CSMD3: variants seen among roughly 807,000 people sequenced by gnomAD.
The protein encoded by CSMD3 is CUB and sushi domain-containing protein 3.
CSMD3 carries 177 observed loss-of-function variants against 435.2 expected under a neutral mutation model. The observed-to-expected ratio is 0.41, with a 90% CI of 0.36 to 0.46. The LOEUF is 0.46. Among genes scored for constraint, CSMD3 ranks in the 20% least tolerant of loss-of-function variants. The pLI, the probability that CSMD3 is intolerant of heterozygous loss-of-function variation, is 0.34. For synonymous variants in CSMD3, 1,656 were observed against 1,520.5 expected (o/e 1.09, Z -2.07); for missense variants, 4,265 against 4,504.6 (o/e 0.95, Z 1.52).
intron 3 of CSMD3, among the ~76,000 whole-genome samples, chr8:113,201,286 C>T (rs143604867): frequency 1.4e-3 from 209 of 151,900 alleles, no homozygotes; most frequent in South Asian, 7.5e-3. Context: ...AGTGTGGTTC[C>T]CTGTATTTTA....
intron 5 of CSMD3, among the ~76,000 whole-genome samples, chr8:113,065,474 C>T (rs578027401): frequency 2.0e-5 from 3 of 152,210 alleles, no homozygotes; most frequent in East Asian, 1.9e-4. Context: ...GCCAGCTCCG[C>T]CTCCTGGGTT....
chr8:112,301,538 A>G (rs868826251), intron 53 of CSMD3, among the ~76,000 whole-genome samples: 8 of 152,128 alleles, frequency 5.3e-5, no homozygotes, highest in South Asian at 4.1e-4. Context: ...TTCAGCAATT[A>G]GTTTTCACCA....
chr8:112,546,537 G>A (rs1827197497), intron 27 of CSMD3, among the ~76,000 whole-genome samples: 2 of 152,164 alleles, frequency 1.3e-5, no homozygotes, highest in Admixed American at 6.5e-5. Context: ...TTACCCAGCA[G>A]GGGAAGATTC....
At chr8:112,685,355 C>A in intron 15 of CSMD3, 51 bp downstream of exon 15, 1 of 1,488,116 alleles carries the variant, frequency 6.7e-7, no homozygotes, top group South Asian at 1.2e-5. Flanking sequence ...CTTTTCAACT[C>A]AAATTTATAG....
chr8:112,410,789 T>C (rs1395419030), intron 32 of CSMD3, among the ~76,000 whole-genome samples: 2 of 147,908 alleles, frequency 1.4e-5, no homozygotes, highest in Admixed American at 6.9e-5. Flanking sequence ...TTCTCAAATA[T>C]GTCTTAAGAA....
In CSMD3 at chr8:112,346,120, G is replaced by A. The variant is rs751940711; in HGVS notation, c.6419C>T (p.Thr2140Ile). 5.0e-6 allele frequency: 8 copies of A among 1,602,902 alleles called. No homozygotes were observed. In the Middle Eastern group the frequency reaches 4.9e-4, roughly 99 times the overall value. The change falls in exon 41 of 71, where the codon ACA becomes ATA. Residue 2140 changes from threonine (T) to isoleucine (I), a missense_variant. Thr to Ile is a moderately conservative substitution (Grantham distance 89). Transcript: ENST00000297405. ...ACCAAAACCTATGGGTAGATTTATTGTCCATGTGCAATCTAAACTGCTGGG... is the reference window on the plus strand; with the variant it reads ...ACCAAAACCTATGGGTAGATTTATTATCCATGTGCAATCTAAACTGCTGGG... Reference protein sequence around the residue: ...NYPSSLDCTWTINLPIGFGVH... With the variant: ...NYPSSLDCTWIINLPIGFGVH...
chr8:113,032,234 A>G (rs1587930010), intron 5 of CSMD3, among the ~76,000 whole-genome samples: 1 of 151,560 alleles, frequency 6.6e-6, no homozygotes, highest in South Asian at 2.1e-4. Context: ...CAGAGGCTGG[A>G]AGAGTTTGGA....
In CSMD3 at chr8:113,097,345, C is replaced by T. The variant is rs543731802; in HGVS notation, c.917+1411G>A. 2.6e-5 allele frequency among the ~76,000 whole-genome samples: 4 copies of T among 152,092 alleles called. No homozygotes were observed. The South Asian group carries it at 8.3e-4, about 32-fold the overall frequency. The stretch of plus-strand genomic sequence containing the variant: ...CTACATAACAGCATTGTTCTAAGTG[C>T]TTCTGTGTCTAAAGCACCAAAGAGG... On this transcript the variant is annotated intron_variant, in intron 5 of 70. Coordinates refer to ENST00000297405, the MANE Select transcript of CSMD3 (RefSeq NM_198123.2).
chr8:113,177,314 T>C (rs1564395524), intron 3 of CSMD3, among the ~76,000 whole-genome samples: 1 of 151,744 alleles, frequency 6.6e-6, no homozygotes, highest in Admixed American at 6.6e-5. Flanking sequence ...ATAAGTATAA[T>C]GAAGAATTTT....
chr8:113,092,674 AG>A (rs2090043463), intron 5 of CSMD3, among the ~76,000 whole-genome samples: 1 of 152,096 alleles, frequency 6.6e-6, no homozygotes, highest in South Asian at 2.1e-4. Flanking sequence ...TACCGTTTGA[AG>A]TGTAACTTAA....
At chr8:113,209,881 GT>G (rs1318738951) in intron 3 of CSMD3, among the ~76,000 whole-genome samples, 4 of 151,744 alleles carry the variant, frequency 2.6e-5, no homozygotes, top group Admixed American at 1.3e-4. Context: ...TGTTATTTTT[GT>G]TTCTATACTT....
At chr8:113,228,491 C>A (rs1169255254) in intron 3 of CSMD3, among the ~76,000 whole-genome samples, 1 of 151,366 alleles carries the variant, frequency 6.6e-6, no homozygotes. Context: ...ATTGTACATT[C>A]CCTATACTGG....
At chr8:112,930,246 T>C (rs2083062196) in intron 9 of CSMD3, among the ~76,000 whole-genome samples, 1 of 152,090 alleles carries the variant, frequency 6.6e-6, no homozygotes, top group African/African-American at 2.4e-5. Flanking sequence ...GCTATATCAC[T>C]CCCTGTGTTC....
intron 28 of CSMD3, among the ~76,000 whole-genome samples, chr8:112,515,131 T>A (rs1823539191): frequency 6.6e-6 from 1 of 152,034 alleles, no homozygotes; most frequent in African/African-American, 2.4e-5. Context: ...ATCTCAGAAG[T>A]TTTTCATCTT....
chr8:112,875,601 G>T (rs1411243382), intron 10 of CSMD3, among the ~76,000 whole-genome samples: 1 of 152,046 alleles, frequency 6.6e-6, no homozygotes. Context: ...ATATTTATTG[G>T]AGGCTTTGTT....
intron 4 of CSMD3, among the ~76,000 whole-genome samples, chr8:113,102,729 A>G (rs1388543299): frequency 3.9e-5 from 6 of 152,116 alleles, no homozygotes; most frequent in African/African-American, 1.4e-4. Flanking sequence ...TACCAAGGTA[A>G]TGGGCCTGTG....
chr8:113,114,805 T>C (rs868187276), intron 4 of CSMD3, among the ~76,000 whole-genome samples: 1 of 152,156 alleles, frequency 6.6e-6, no homozygotes, highest in South Asian at 2.1e-4. Flanking sequence ...AGATAGAACA[T>C]TGGAAATTTT....
chr8:112,409,615 A>T (rs1472227200), intron 32 of CSMD3, among the ~76,000 whole-genome samples: 3 of 152,048 alleles, frequency 2.0e-5, no homozygotes, highest in Non-Finnish European at 4.4e-5. Context: ...CAAAATAAAG[A>T]AATATTATTT....
At chr8:112,592,140 C>T (rs1645463683) in intron 22 of CSMD3, among the ~76,000 whole-genome samples, 2 of 151,822 alleles carry the variant, frequency 1.3e-5, no homozygotes, top group Non-Finnish European at 2.9e-5. Flanking sequence ...ATTAATAACA[C>T]TTTGTTCTTC....
Sources: gnomAD v4.1 joint callset for allele counts (sites outside exome capture counted in the v4.1 genomes callset) on GRCh38, gnomAD v4.1.1 for gene constraint, MANE v1.5 for transcripts, NCBI Gene and HGNC (gene_info 2026-07-23, HGNC 2026-07-21) for gene names.